Variants in WWC2 observed in about 807,000 individuals in gnomAD.
WWC2 encodes the protein protein WWC2.
Under a neutral mutation model 138.5 loss-of-function variants are expected in WWC2, and 101 were observed. The ratio of observed to expected loss-of-function variants is 0.73; its 90% CI spans 0.62 to 0.86. The LOEUF (loss-of-function observed/expected upper bound fraction) is 0.86. Among genes scored for constraint, WWC2 ranks in the 40% least tolerant of loss-of-function variants. The pLI, the probability that WWC2 is intolerant of heterozygous loss-of-function variation, is 0.00. For missense variants in WWC2, 1,420 were observed against 1,419.4 expected (o/e 1.00, Z -0.01); for synonymous variants, 558 against 538.4 (o/e 1.04, Z -0.50).
At chr4:183,175,724 G>A (rs932773605) in intron 1 of WWC2, among the ~76,000 whole-genome samples, 1 of 152,100 alleles carries the variant, frequency 6.6e-6, no homozygotes, top group African/African-American at 2.4e-5. Flanking sequence ...AACAGAGCTA[G>A]CACCTATAGA....
intron 1 of WWC2, among the ~76,000 whole-genome samples, chr4:183,155,560 C>A (rs1429368954): frequency 1.3e-5 from 2 of 151,760 alleles, no homozygotes; most frequent in Non-Finnish European, 2.9e-5. Context: ...AGGGAGGAGA[C>A]GAATTTGGAC....
chr4:183,286,152 C>A, intron 20 of WWC2, 93 bp downstream of exon 20: 1 of 1,209,332 alleles, frequency 8.3e-7, no homozygotes, highest in South Asian at 1.3e-5. Context: ...GAATGAATGT[C>A]AGTGCTCCAT....
Position 183,146,955 on chromosome 4 carries a change from C to A in WWC2, c.132-46644C>A, listed in dbSNP as rs116151501. ...TTTTTCAAGATCAGTGGCTCTCCAACTTTAATGTTCTCGAGAAACACTTGG... is the reference window on the plus strand; with the variant it reads ...TTTTTCAAGATCAGTGGCTCTCCAAATTTAATGTTCTCGAGAAACACTTGG... On this transcript the variant is annotated intron_variant, in intron 1 of 22. Coordinates refer to ENST00000403733, the MANE Select transcript of WWC2 (RefSeq NM_024949.6). Among the ~76,000 whole-genome samples, 815 of 152,286 alleles carry A rather than the reference C, an allele frequency of 5.4e-3. 6 individuals are homozygous for A. The highest frequency in any genetic ancestry group is 0.019 in the African/African-American group (786 of 41,552).
chr4:183,146,405 G>A (rs987940281), intron 1 of WWC2, among the ~76,000 whole-genome samples: 4 of 152,226 alleles, frequency 2.6e-5, no homozygotes, highest in Admixed American at 2.0e-4. Flanking sequence ...AGGGCCGTAG[G>A]GGGTGGATTC....
intron 1 of WWC2, among the ~76,000 whole-genome samples, chr4:183,136,644 C>G (rs1055153072): frequency 4.8e-4 from 73 of 152,310 alleles, no homozygotes; most frequent in African/African-American, 1.5e-3. Context: ...CAACCCGTGG[C>G]CTGCGAACCG....
intron 20 of WWC2, among the ~76,000 whole-genome samples, chr4:183,287,037 T>A (rs1738282738): frequency 6.6e-6 from 1 of 152,098 alleles, no homozygotes; most frequent in African/African-American, 2.4e-5. Context: ...AGTGTCAGGT[T>A]CTGCCAGCAG....
At chr4:183,239,971 ATAG>A (rs1046447583) in intron 4 of WWC2, among the ~76,000 whole-genome samples, 1 of 152,228 alleles carries the variant, frequency 6.6e-6, no homozygotes, top group Non-Finnish European at 1.5e-5. Context: ...ATGAAGGTAA[ATAG>A]TAGTAATAAT....
intron 1 of WWC2, among the ~76,000 whole-genome samples, chr4:183,141,376 T>A (rs1029822429): frequency 6.6e-6 from 1 of 152,020 alleles, no homozygotes; most frequent in Non-Finnish European, 1.5e-5. Context: ...TTCTATGAGA[T>A]CAAAGCCCTG....
chr4:183,108,557 A>G (rs534695329), intron 1 of WWC2, among the ~76,000 whole-genome samples: 1 of 152,260 alleles, frequency 6.6e-6, no homozygotes, highest in South Asian at 2.1e-4. Context: ...CTGGGCTGGA[A>G]AAAGGACATT....
At chr4:183,143,899 T>G (rs1733375548) in intron 1 of WWC2, among the ~76,000 whole-genome samples, 1 of 152,198 alleles carries the variant, frequency 6.6e-6, no homozygotes, top group Admixed American at 6.6e-5. Flanking sequence ...TGAAATATAT[T>G]TAAAGCTTTT....
intron 1 of WWC2, among the ~76,000 whole-genome samples, chr4:183,147,071 A>G (rs111467371): frequency 1.3e-5 from 2 of 152,246 alleles, no homozygotes; most frequent in Admixed American, 6.5e-5. Context: ...AGCCATGAAC[A>G]AGCTCACAGG....
chr4:183,190,793 T>C (rs1245376038), intron 1 of WWC2, among the ~76,000 whole-genome samples: 8 of 152,218 alleles, frequency 5.3e-5, no homozygotes, highest in Non-Finnish European at 1.2e-4. Flanking sequence ...TGGAACAAAC[T>C]GGATTATTTC....
At chr4:183,266,265 A>C (rs983131723) in intron 14 of WWC2, among the ~76,000 whole-genome samples, 1 of 152,164 alleles carries the variant, frequency 6.6e-6, no homozygotes, top group African/African-American at 2.4e-5. Flanking sequence ...GTTTTTGTGT[A>C]ATTGTTACTA....
chr4:183,144,131 TG>T (rs2111102174), intron 1 of WWC2, among the ~76,000 whole-genome samples: 1 of 152,358 alleles, frequency 6.6e-6, no homozygotes, highest in South Asian at 2.1e-4. Context: ...ATATGTCACT[TG>T]CATTTCTTCA....
chr4:183,167,922 C>G (rs1462931786), intron 1 of WWC2, among the ~76,000 whole-genome samples: 1 of 145,594 alleles, frequency 6.9e-6, no homozygotes, highest in Admixed American at 7.0e-5. Context: ...GTGATGTGAT[C>G]TTGGCTCAGT....
intron 1 of WWC2, among the ~76,000 whole-genome samples, chr4:183,106,276 G>T (rs1017758045): frequency 6.6e-6 from 1 of 152,132 alleles, no homozygotes; most frequent in South Asian, 2.1e-4. Flanking sequence ...GAGCCACCAC[G>T]CCCGGCTGAG....
chr4:183,255,554 T>C lies in WWC2; in HGVS notation c.1196+1555T>C, dbSNP rs922628712. On this transcript the variant is annotated intron_variant, in intron 9 of 22. Transcript: ENST00000403733. ...CATTTACATATTATAAAATTTTATA[T>C]AATCATACGTGTCTAATGTGCCACG... Among the ~76,000 whole-genome samples the C allele has an allele frequency of 3.2e-4, 49 of 152,204 alleles. 1 individual carries two copies. The highest frequency in any genetic ancestry group is 1.1e-3 in the African/African-American group (47 of 41,444).
chr4:183,280,686 C>T, intron 16 of WWC2, 90 bp from the exon 17 acceptor site: 1 of 1,372,604 alleles, frequency 7.3e-7, no homozygotes, highest in Non-Finnish European at 9.8e-7. Context: ...GTCGTCTTTA[C>T]AGATAGAAGT....
chr4:183,194,562 T>C (rs1735081848), intron 2 of WWC2, among the ~76,000 whole-genome samples: 1 of 152,240 alleles, frequency 6.6e-6, no homozygotes. Context: ...AAAATTTGTA[T>C]ATGTAGTACT....
Sources: gnomAD v4.1 joint callset for allele counts (sites outside exome capture counted in the v4.1 genomes callset) on GRCh38, gnomAD v4.1.1 for gene constraint, MANE v1.5 for transcripts, NCBI Gene and HGNC (gene_info 2026-07-23, HGNC 2026-07-21) for gene names.